The following DBH variants were observed in gnomAD, a reference collection of about 807,000 sequenced individuals.
DBH encodes dopamine beta-hydroxylase.
A neutral mutation model predicts 64.0 loss-of-function variants in DBH; 49 were observed. That is an observed-to-expected ratio of 0.77 (90% CI 0.61 to 0.97). The LOEUF is 0.97. Among genes scored for constraint, DBH ranks in the 50% least tolerant of loss-of-function variants. DBH has a pLI of 0.00. For missense variants in DBH, 828 were observed against 826.6 expected (o/e 1.00, Z -0.02); for synonymous variants, 343 against 347.1 (o/e 0.99, Z 0.13).
Position 133,643,666 on chromosome 9 carries a change from C to T in DBH, c.921+77C>T, listed in dbSNP as rs940867293. 3.9e-6 allele frequency: 6 copies of T among 1,552,318 alleles called. No homozygotes were observed. The Middle Eastern group carries it at 5.1e-4, about 133-fold the overall frequency. Reference sequence around the variant, plus strand: ...CCCCACACCTCTGTTTCCCCAGCTTCACCGTCTCAGAGGCTTCAAGAAGGG... The same window carrying T: ...CCCCACACCTCTGTTTCCCCAGCTTTACCGTCTCAGAGGCTTCAAGAAGGG... On this transcript the variant is annotated intron_variant, in intron 4 of 11. Transcript: ENST00000393056. The surrounding 1 kb of genome is among the most constrained non-coding windows in gnomAD (Gnocchi z 5.3).
intron 6 of DBH, among the ~76,000 whole-genome samples, chr9:133,648,463 G>A (rs1832209171): frequency 6.6e-6 from 1 of 152,224 alleles, no homozygotes; most frequent in Non-Finnish European, 1.5e-5. Flanking sequence ...GCAGGTGTTA[G>A]AAACCTTTTG....
intron 8 of DBH, among the ~76,000 whole-genome samples, chr9:133,652,513 C>T (rs1204195092): frequency 3.9e-5 from 6 of 151,902 alleles, no homozygotes; most frequent in Non-Finnish European, 8.8e-5. Flanking sequence ...AGACAGGACA[C>T]TCCCAGGGGA....
chr9:133,657,398 C>CAG (rs1201435779), intron 11 of DBH, 169 bp downstream of exon 11: 1 of 517,936 alleles, frequency 1.9e-6, no homozygotes, highest in Non-Finnish European at 3.3e-6. Flanking sequence ...AGCCAGCCAG[C>CAG]AGAGAGAGAG....
rs766335916 is a variant in DBH at position 133,657,105 on chromosome 9, C to T, written c.1598C>T (p.Ala533Val). The T allele has an allele frequency of 2.5e-6, 4 of 1,613,914 alleles. No homozygotes were observed. The highest frequency in any genetic ancestry group is 2.2e-5 in the East Asian group (1 of 44,896). ...NNEDVCTCPQASVSQQFTSVP... is the reference protein window; with the variant it reads ...NNEDVCTCPQVSVSQQFTSVP... ...GAGGATGTCTGCACCTGCCCTCAGG[C>T]GTCCGTGTCTCAGCAGTTCACCTCT... is the stretch of plus-strand genomic sequence containing the variant. Residue 533 changes from alanine (A) to valine (V), a missense_variant, in exon 11 of 12, where the codon GCG (alanine) becomes GTG (valine). Coordinates refer to ENST00000393056, the MANE Select transcript of DBH (RefSeq NM_000787.4).
chr9:133,651,647 C>G lies in DBH; in HGVS notation c.1205C>G (p.Ser402Cys), dbSNP rs561275727. The change falls in exon 7 of 12, where the codon TCC (serine) becomes TGC (cysteine). Residue 402 changes from serine to cysteine, a missense_variant. By Grantham distance (112) the Ser-to-Cys change is moderately radical. Coordinates refer to ENST00000393056, the MANE Select transcript of DBH (RefSeq NM_000787.4). ...CCGACCCCACAGGCACTGCCTCCCTCCGGGATCCACATCTTCGCCTCTCAG... is the reference window on the plus strand; with the variant it reads ...CCGACCCCACAGGCACTGCCTCCCTGCGGGATCCACATCTTCGCCTCTCAG... ...DKCTQLALPP[S>C]GIHIFASQLH... is the part of the protein sequence containing the mutation. 4.4e-5 allele frequency: 71 copies of G among 1,613,748 alleles called. No homozygotes were observed. The African/African-American group carries it at 9.5e-4, about 22-fold the overall frequency.
Position 133,642,514 on chromosome 9 carries a change from C to T in DBH, c.744+50C>T, listed in dbSNP as rs1611121. On this transcript the variant is annotated intron_variant, in intron 3 of 11. Transcript: ENST00000393056. ...TCCTCGCCCAGCCCTGCCTTCCTCC[C>T]GGGCCTGGGTTGTCCCTGACCCTGG... 0.066 allele frequency: 102,874 copies of T among 1,556,628 alleles called. 3,645 individuals carry two copies. Among genetic ancestry groups the T allele is most frequent in the Non-Finnish European group, 0.068 (78,879 of 1,153,400 alleles).
At chr9:133,644,006 G>T (rs1053315005) in intron 4 of DBH, among the ~76,000 whole-genome samples, 2 of 152,134 alleles carry the variant, frequency 1.3e-5, no homozygotes, top group Non-Finnish European at 2.9e-5. Context: ...CTAGGCACCA[G>T]CTCCTCTCCC....
At chr9:133,657,450 A>AGAGAGGGAGAG in intron 11 of DBH, 1 of 91,440 alleles carries the variant, frequency 1.1e-5, no homozygotes, top group East Asian at 2.0e-4. Flanking sequence ...GAGGAGAGAG[A>AGAGAGGGAGAG]GGAGAGAGGG....
chr9:133,638,960 C>T (rs1832083324), intron 1 of DBH, among the ~76,000 whole-genome samples: 1 of 152,200 alleles, frequency 6.6e-6, no homozygotes, highest in South Asian at 2.1e-4. Context: ...ACGGGGAGGG[C>T]AGAGGTCACT....
chr9:133,652,029 C>G lies in DBH; in HGVS notation c.1336-217C>G, dbSNP rs78776711. Among the ~76,000 whole-genome samples, 11,204 of 152,172 alleles carry G rather than the reference C, an allele frequency of 0.074. 925 individuals are homozygous for G. The highest frequency in any genetic ancestry group is 0.2 in the African/African-American group (8,489 of 41,456). The stretch of plus-strand genomic sequence containing the variant: ...GACCCAGGCGGCCCTCTGGGAACAT[C>G]AATCTTGGTCTTGGATAACCACCTT... On this transcript the variant is annotated intron_variant, in intron 7 of 11. Transcript: ENST00000393056.
intron 7 of DBH, 123 bp from the exon 8 acceptor site, chr9:133,652,123 G>T (rs1832256519): frequency 3.6e-6 from 4 of 1,121,564 alleles, no homozygotes; most frequent in East Asian, 2.4e-5. Flanking sequence ...CACTGTAGAG[G>T]CTGGGGCAAA....
At chr9:133,644,128 C>G (rs962323840) in intron 4 of DBH, 90 bp from the exon 5 acceptor site, 4 of 956,928 alleles carry the variant, frequency 4.2e-6, no homozygotes, top group South Asian at 1.3e-5. Flanking sequence ...CCCTGAGGCT[C>G]AGGCCCCAAC....
intron 11 of DBH, among the ~76,000 whole-genome samples, chr9:133,658,007 A>G (rs1176494910): frequency 6.6e-6 from 1 of 152,196 alleles, no homozygotes; most frequent in Non-Finnish European, 1.5e-5. Flanking sequence ...TAGCTAAAAA[A>G]TATCAGAGCC....
intron 11 of DBH, 197 bp downstream of exon 11, chr9:133,657,426 AGAGAGAG>A (rs1832341365): frequency 9.9e-6 from 3 of 303,384 alleles, no homozygotes; most frequent in African/African-American, 3.6e-5. Flanking sequence ...GAGAGAGAGG[AGAGAGAG>A]GAGAGAGAGG....
chr9:133,649,277 T>C (rs1832218055), intron 6 of DBH, among the ~76,000 whole-genome samples: 1 of 152,216 alleles, frequency 6.6e-6, no homozygotes, highest in African/African-American at 2.4e-5. Context: ...TTTCATAGTT[T>C]GTGTATATGT....
At chr9:133,658,210 T>G in intron 11 of DBH, 106 bp from the exon 12 acceptor site, 1 of 1,484,354 alleles carries the variant, frequency 6.7e-7, no homozygotes, top group Non-Finnish European at 9.3e-7. Context: ...TGAGACAAGC[T>G]GAGTTTGAGG....
chr9:133,652,100 G>A (rs1197159841), intron 7 of DBH, 146 bp from the exon 8 acceptor site: 16 of 869,026 alleles, frequency 1.8e-5, no homozygotes, highest in East Asian at 2.5e-5. Flanking sequence ...CACACTTAGC[G>A]GGCTCTGGCT....
rs138015991 is a variant in DBH, at chr9:133,647,993, C to T, written c.1172C>T (p.Thr391Met). ...ETAFILTGYC[T>M]DKCTQLALPP... ...GCCTTCATCCTCACTGGCTACTGCA[C>T]GGACAAGTGCACCCAGCTGGTGAGT... Residue 391 changes from threonine to methionine, a missense_variant, in exon 6 of 12, where the codon ACG (threonine) becomes ATG (methionine). Thr to Met is a moderately conservative substitution (Grantham distance 81). Coordinates refer to ENST00000393056, the MANE Select transcript of DBH (RefSeq NM_000787.4). 1.9e-5 allele frequency: 30 copies of T among 1,612,940 alleles called. No individual in the cohort carries two copies. In the African/African-American group the frequency reaches 2.0e-4, roughly 11 times the overall value.
At chr9:133,656,082 C>T (rs988162599) in intron 9 of DBH, 32 of 311,084 alleles carry the variant, frequency 1.0e-4, no homozygotes, top group Admixed American at 3.5e-4. Flanking sequence ...AAAGGGCCTC[C>T]CTTGCAGTCC....
Sources: gnomAD v4.1 joint callset for allele counts (sites outside exome capture counted in the v4.1 genomes callset) on GRCh38, gnomAD v4.1.1 for gene constraint, Gnocchi (gnomAD v3.1) non-coding constraint, MANE v1.5 for transcripts, NCBI Gene and HGNC (gene_info 2026-07-23, HGNC 2026-07-21) for gene names.